AGTPBP1: variants seen among roughly 807,000 people sequenced by gnomAD.
AGTPBP1 encodes the protein cytosolic carboxypeptidase 1.
A neutral mutation model predicts 143.9 loss-of-function variants in AGTPBP1; 70 were observed. The observed-to-expected ratio is 0.49, with a 90% CI of 0.40 to 0.59. The LOEUF is 0.59. AGTPBP1 is among the 20% of genes least tolerant of loss of function. AGTPBP1 has a pLI of 0.00. For missense variants in AGTPBP1, 1,229 were observed against 1,464.5 expected (o/e 0.84, Z 2.62); for synonymous variants, 463 against 500.2 (o/e 0.93, Z 0.99).
chr9:85,686,791 G>C (rs1169995563), intron 3 of AGTPBP1, among the ~76,000 whole-genome samples: 1 of 151,978 alleles, frequency 6.6e-6, no homozygotes, highest in East Asian at 1.9e-4. Context: ...GAACCACTAA[G>C]AAAAGAACTC....
chr9:85,607,893 G>T (rs756102877), intron 17 of AGTPBP1, among the ~76,000 whole-genome samples: 10 of 152,012 alleles, frequency 6.6e-5, no homozygotes, highest in Non-Finnish European at 1.5e-4. Flanking sequence ...TACACCCAAT[G>T]ACTCTACGTA....
At chr9:85,607,084 A>G (rs1830035018) in intron 17 of AGTPBP1, among the ~76,000 whole-genome samples, 1 of 152,050 alleles carries the variant, frequency 6.6e-6, no homozygotes, top group Non-Finnish European at 1.5e-5. Flanking sequence ...GAAATGATAA[A>G]TCATCAAGGT....
intron 7 of AGTPBP1, among the ~76,000 whole-genome samples, chr9:85,670,852 T>C (rs1834436596): frequency 6.6e-6 from 1 of 152,194 alleles, no homozygotes; most frequent in African/African-American, 2.4e-5. Flanking sequence ...CGTTATCCCT[T>C]CTAATTTCAT....
intron 25 of AGTPBP1, among the ~76,000 whole-genome samples, chr9:85,566,214 G>C (rs1350038918): frequency 1.3e-5 from 2 of 152,060 alleles, no homozygotes; most frequent in South Asian, 2.1e-4. Context: ...TGAGCAAAAG[G>C]CTTCTCTTAA....
chr9:85,762,204 A>T, the AGTPBP1 span, among the ~76,000 whole-genome samples: 3 of 152,124 alleles, frequency 2.0e-5, no homozygotes, highest in Non-Finnish European at 2.9e-5. Flanking sequence ...ATTGTGGAAG[A>T]CAGTGTGGCG....
At chr9:85,755,586 C>G in the AGTPBP1 span, among the ~76,000 whole-genome samples, 1 of 152,238 alleles carries the variant, frequency 6.6e-6, no homozygotes, top group Admixed American at 6.5e-5. Context: ...TTCATTCACT[C>G]ATTCATTTAA....
At chr9:85,734,855 A>G (rs1218351258) in intron 1 of AGTPBP1, among the ~76,000 whole-genome samples, 1 of 152,136 alleles carries the variant, frequency 6.6e-6, no homozygotes, top group Admixed American at 6.5e-5. Flanking sequence ...AATACGGTAG[A>G]ACCCCGTCTC....
At chr9:85,682,816 A>G (rs1034681323) in intron 3 of AGTPBP1, among the ~76,000 whole-genome samples, 3 of 152,210 alleles carry the variant, frequency 2.0e-5, no homozygotes, top group Admixed American at 1.3e-4. Context: ...TTTTGTTCTG[A>G]GCAAATCCTG....
At chr9:85,638,846 G>A (rs1832260191) in intron 13 of AGTPBP1, among the ~76,000 whole-genome samples, 1 of 151,914 alleles carries the variant, frequency 6.6e-6, no homozygotes, top group South Asian at 2.1e-4. Flanking sequence ...AATCACAAGT[G>A]AGAAATTTTT....
At chr9:85,619,175 T>C (rs369215851) in intron 16 of AGTPBP1, 40 bp downstream of exon 16, 6 of 1,610,504 alleles carry the variant, frequency 3.7e-6, no homozygotes, top group Admixed American at 1.7e-5. Context: ...TTAGGAAATA[T>C]CTGTGCACAT....
At chr9:85,651,929 T>C (rs1833186416) in intron 11 of AGTPBP1, among the ~76,000 whole-genome samples, 1 of 152,240 alleles carries the variant, frequency 6.6e-6, no homozygotes, top group African/African-American at 2.4e-5. Flanking sequence ...ATTTGATCTT[T>C]GTCCCAGGTT....
the AGTPBP1 span, among the ~76,000 whole-genome samples, chr9:85,767,718 G>T: frequency 6.6e-6 from 1 of 151,674 alleles, no homozygotes; most frequent in African/African-American, 2.4e-5. Context: ...CTGACCTCAA[G>T]TGATCCACCC....
chr9:85,687,935 C>A (rs1564145578), intron 3 of AGTPBP1, among the ~76,000 whole-genome samples: 4 of 150,972 alleles, frequency 2.6e-5, no homozygotes, highest in Admixed American at 2.6e-4. Flanking sequence ...ACTAAAAATA[C>A]AAAAAATTAG....
chr9:85,616,137 G>T (rs62566932), intron 17 of AGTPBP1, among the ~76,000 whole-genome samples: 2,507 of 152,048 alleles, frequency 0.016, 29 homozygotes, highest in Middle Eastern at 0.054. Context: ...CAACAAATGT[G>T]AAAGTGATTA....
chr9:85,586,369 T>C (rs532225046), intron 22 of AGTPBP1, among the ~76,000 whole-genome samples: 3 of 152,188 alleles, frequency 2.0e-5, no homozygotes, highest in Non-Finnish European at 4.4e-5. Context: ...AGTTTTTCTA[T>C]CTTTCCTAAA....
At chr9:85,788,684 A>T in the AGTPBP1 span, among the ~76,000 whole-genome samples, 1 of 149,574 alleles carries the variant, frequency 6.7e-6, no homozygotes. Context: ...ACTTGTATAT[A>T]GATATAGATA....
chr9:85,804,658 G>A, the AGTPBP1 span, among the ~76,000 whole-genome samples: 1 of 152,236 alleles, frequency 6.6e-6, no homozygotes. Flanking sequence ...CTGGGTGCCG[G>A]CTCTGCCGTT....
chr9:85,746,471 A>C (rs1481116494), upstream of AGTPBP1, among the ~76,000 whole-genome samples: 1 of 152,112 alleles, frequency 6.6e-6, no homozygotes, highest in Non-Finnish European at 1.5e-5. Flanking sequence ...ACAAAAATTA[A>C]AATTAAAATT....
chr9:85,553,953 T>C (rs1826180596), intron 25 of AGTPBP1: 1 of 152,142 alleles, frequency 6.6e-6, no homozygotes. Flanking sequence ...TCATTCTCAG[T>C]AGAACATTAG....
Sources: gnomAD v4.1 joint callset for allele counts (sites outside exome capture counted in the v4.1 genomes callset) on GRCh38, gnomAD v4.1.1 for gene constraint, MANE v1.5 for transcripts, NCBI Gene and HGNC (gene_info 2026-07-23, HGNC 2026-07-21) for gene names.